KCNN2: variants seen among roughly 807,000 people sequenced by gnomAD.
KCNN2 encodes the protein potassium calcium-activated channel subfamily N member 2.
KCNN2 carries 24 observed loss-of-function variants against 55.5 expected under a neutral mutation model. The ratio of observed to expected loss-of-function variants is 0.43; its 90% CI spans 0.31 to 0.61. The LOEUF is 0.61. KCNN2 is among the 20% of genes least tolerant of loss of function. The pLI is 0.08. For synonymous variants in KCNN2, 431 were observed against 336.1 expected (o/e 1.28, Z -3.09); for missense variants, 754 against 853.6 (o/e 0.88, Z 1.45).
chr5:114,453,866 T>TA (rs1463450950), intron 3 of KCNN2, among the ~76,000 whole-genome samples: 1 of 152,182 alleles, frequency 6.6e-6, no homozygotes, highest in African/African-American at 2.4e-5. Flanking sequence ...GTAGGTTTGT[T>TA]ACATTGATAT....
At chr5:114,240,367 TA>T (rs1754592467) in intron 2 of KCNN2, among the ~76,000 whole-genome samples, 1 of 151,364 alleles carries the variant, frequency 6.6e-6, no homozygotes, top group African/African-American at 2.4e-5. Context: ...GAAAAACATA[TA>T]AAAATCTACT....
chr5:114,491,042 A>G (rs11745974), intron 6 of KCNN2, among the ~76,000 whole-genome samples: 58,717 of 152,068 alleles, frequency 0.39, 12,833 homozygotes, highest in Non-Finnish European at 0.49. Context: ...AGCTAAAGGA[A>G]TTCCAATCAA....
At chr5:114,120,991 G>A (rs1265270584) in intron 1 of KCNN2, among the ~76,000 whole-genome samples, 1 of 152,190 alleles carries the variant, frequency 6.6e-6, no homozygotes, top group Non-Finnish European at 1.5e-5. Context: ...ATCAATTGGG[G>A]TGTCTTGTGC....
intron 5 of KCNN2, among the ~76,000 whole-genome samples, chr5:114,484,189 A>C (rs1762352912): frequency 1.3e-5 from 2 of 152,134 alleles, no homozygotes; most frequent in Non-Finnish European, 2.9e-5. Flanking sequence ...GAGAGACACA[A>C]AGATTAGTGA....
chr5:114,363,590 C>T (rs1468572055), intron 1 of KCNN2, among the ~76,000 whole-genome samples: 2 of 152,180 alleles, frequency 1.3e-5, no homozygotes, highest in African/African-American at 2.4e-5. Context: ...CCTTTCAACC[C>T]GCTCTCTTGA....
intron 2 of KCNN2, among the ~76,000 whole-genome samples, chr5:114,252,573 A>T (rs1467215749): frequency 1.3e-5 from 2 of 151,928 alleles, no homozygotes; most frequent in Non-Finnish European, 2.9e-5. Context: ...CCTTAGTTTT[A>T]TCCCATTTGA....
intron 2 of KCNN2, among the ~76,000 whole-genome samples, chr5:114,298,191 T>C (rs1756070510): frequency 6.6e-6 from 1 of 152,220 alleles, no homozygotes; most frequent in African/African-American, 2.4e-5. Flanking sequence ...TGGCAAAGAA[T>C]ACACGTTCTT....
intron 5 of KCNN2, among the ~76,000 whole-genome samples, chr5:114,478,334 C>CAA (rs1226337815): frequency 1.3e-5 from 2 of 151,786 alleles, no homozygotes; most frequent in African/African-American, 4.8e-5. Context: ...TTGAACAAAG[C>CAA]AAAGTTTTAA....
chr5:114,425,767 T>A (rs1759604197), intron 3 of KCNN2, among the ~76,000 whole-genome samples: 1 of 152,168 alleles, frequency 6.6e-6, no homozygotes, highest in Non-Finnish European at 1.5e-5. Context: ...CCATTCTCAT[T>A]ATTAAGGGAA....
chr5:114,379,605 T>G lies in KCNN2; in HGVS notation c.1218+15604T>G, dbSNP rs56259275. Among the ~76,000 whole-genome samples, 85 of 39,136 alleles carry G rather than the reference T, an allele frequency of 2.2e-3. 17 individuals are homozygous for G. The highest frequency in any genetic ancestry group is 0.02 in the African/African-American group (74 of 3,778). 25.7% of individuals were successfully genotyped at this position (39,136 alleles called of 152,430 possible). A position where few individuals can be genotyped will look rare whatever the true frequency, so the allele number is the denominator to read the frequency against. The stretch of plus-strand genomic sequence containing the variant: ...TATATTATATAACATATTATATATT[T>G]TAGAATATATTATATAACATATTAT... On this transcript the variant is annotated intron_variant, in intron 2 of 7. Coordinates refer to ENST00000673685, the MANE Select transcript of KCNN2 (RefSeq NM_021614.4).
chr5:114,147,560 G>C (rs1177428870), intron 1 of KCNN2, among the ~76,000 whole-genome samples: 1 of 152,098 alleles, frequency 6.6e-6, no homozygotes, highest in Non-Finnish European at 1.5e-5. Flanking sequence ...ATTTGTAAAG[G>C]CAAATTTGGG....
intron 2 of KCNN2, among the ~76,000 whole-genome samples, chr5:114,334,310 A>G (rs1014144268): frequency 3.8e-5 from 5 of 131,216 alleles, no homozygotes; most frequent in African/African-American, 1.1e-4. Flanking sequence ...GTGTGTGTGT[A>G]TAAGGCTCTG....
chr5:114,140,320 G>A (rs1752250965), intron 1 of KCNN2, among the ~76,000 whole-genome samples: 1 of 152,148 alleles, frequency 6.6e-6, no homozygotes, highest in South Asian at 2.1e-4. Context: ...TTACTGGCCT[G>A]CCAGCCTCTG....
intron 3 of KCNN2, among the ~76,000 whole-genome samples, chr5:114,455,281 C>A (rs930177879): frequency 6.6e-6 from 1 of 152,134 alleles, no homozygotes; most frequent in Non-Finnish European, 1.5e-5. Flanking sequence ...TTTGGTAATT[C>A]TTGTAGCTTC....
intron 2 of KCNN2, among the ~76,000 whole-genome samples, chr5:114,288,495 T>TACACACACACAC (rs771115837): frequency 5.6e-3 from 425 of 75,266 alleles, no homozygotes; most frequent in South Asian, 0.013. Context: ...TTTATATATA[T>TACACACACACAC]ATATACACAC....
At chr5:114,306,193 C>A (rs1756265884) in intron 2 of KCNN2, among the ~76,000 whole-genome samples, 1 of 152,142 alleles carries the variant, frequency 6.6e-6, no homozygotes, top group South Asian at 2.1e-4. Flanking sequence ...TTAAGAAAGA[C>A]ACATTTGCCA....
At chr5:114,193,716 A>G (rs1331872599) in intron 1 of KCNN2, among the ~76,000 whole-genome samples, 1 of 152,146 alleles carries the variant, frequency 6.6e-6, no homozygotes, top group African/African-American at 2.4e-5. Flanking sequence ...TGAAAACCTA[A>G]TTCCCTTTCT....
intron 2 of KCNN2, among the ~76,000 whole-genome samples, chr5:114,352,181 T>C (rs535511217): frequency 6.6e-6 from 1 of 151,894 alleles, no homozygotes; most frequent in African/African-American, 2.4e-5. Flanking sequence ...TCTCATTTTA[T>C]TTAAGTCATC....
chr5:114,156,512 G>A (rs1752638664), intron 1 of KCNN2, among the ~76,000 whole-genome samples: 1 of 152,128 alleles, frequency 6.6e-6, no homozygotes, highest in African/African-American at 2.4e-5. Context: ...TCCTATCCAT[G>A]AGGATGGAAG....
Sources: gnomAD v4.1 joint callset for allele counts (sites outside exome capture counted in the v4.1 genomes callset) on GRCh38, gnomAD v4.1.1 for gene constraint, MANE v1.5 for transcripts, NCBI Gene and HGNC (gene_info 2026-07-23, HGNC 2026-07-21) for gene names.